AGBL4: variants seen among roughly 807,000 people sequenced by gnomAD.
AGBL4 encodes the protein cytosolic carboxypeptidase 6.
AGBL4 carries 58 observed loss-of-function variants against 66.4 expected under a neutral mutation model. The observed-to-expected ratio is 0.87, with a 90% confidence interval of 0.71 to 1.09. The LOEUF (loss-of-function observed/expected upper bound fraction) is 1.09. AGBL4 is among the 50% of genes least tolerant of loss of function. The pLI is 0.00. For missense variants in AGBL4, 579 were observed against 631.0 expected, an observed-to-expected ratio of 0.92 and a Z score of 0.88; for synonymous variants, 234 against 222.9, an observed-to-expected ratio of 1.05 and a Z score of -0.44.
At chr1:48,770,392 T>TG (rs2148690115) in intron 6 of AGBL4, among the ~76,000 whole-genome samples, 1 of 152,360 alleles carries the variant, frequency 6.6e-6, no homozygotes, top group East Asian at 1.9e-4. Context: ...CACCTATCTC[T>TG]GCTGGTTATC....
At chr1:49,120,114 G>A (rs1249717607) in intron 4 of AGBL4, among the ~76,000 whole-genome samples, 2 of 152,078 alleles carry the variant, frequency 1.3e-5, no homozygotes, top group African/African-American at 4.8e-5. Flanking sequence ...GCACACCGAT[G>A]GGTCTTGACT....
At chr1:49,647,685 G>A (rs1405283601) in intron 3 of AGBL4, among the ~76,000 whole-genome samples, 3 of 152,004 alleles carry the variant, frequency 2.0e-5, no homozygotes, top group Non-Finnish European at 2.9e-5. Flanking sequence ...TCTTCTCTCA[G>A]GAGAAACTAT....
chr1:49,784,868 A>G (rs1644415559), intron 2 of AGBL4, among the ~76,000 whole-genome samples: 1 of 152,108 alleles, frequency 6.6e-6, no homozygotes, highest in Non-Finnish European at 1.5e-5. Flanking sequence ...GTGATTAATG[A>G]AATGCAAATC....
intron 3 of AGBL4, among the ~76,000 whole-genome samples, chr1:49,462,997 C>T (rs1443155405): frequency 2.0e-5 from 3 of 151,664 alleles, no homozygotes; most frequent in Non-Finnish European, 4.4e-5. Flanking sequence ...GGAAAGTTGT[C>T]TAAGGTTACA....
At chr1:49,892,807 T>C (rs1648785050) in intron 1 of AGBL4, among the ~76,000 whole-genome samples, 1 of 152,208 alleles carries the variant, frequency 6.6e-6, no homozygotes, top group African/African-American at 2.4e-5. Context: ...TTCTGTTTCA[T>C]ACTTGCTCTT....
intron 5 of AGBL4, among the ~76,000 whole-genome samples, chr1:49,039,868 T>G (rs1247025963): frequency 6.6e-6 from 1 of 152,068 alleles, no homozygotes; most frequent in Non-Finnish European, 1.5e-5. Context: ...AATTACACAC[T>G]TATTAGATTG....
chr1:49,127,886 C>G (rs1645798229), intron 4 of AGBL4, among the ~76,000 whole-genome samples: 1 of 151,984 alleles, frequency 6.6e-6, no homozygotes, highest in Admixed American at 6.6e-5. Flanking sequence ...CCAAAGACGA[C>G]AAAATACAAA....
chr1:50,011,630 C>G (rs1661540903), intron 1 of AGBL4, among the ~76,000 whole-genome samples: 1 of 152,076 alleles, frequency 6.6e-6, no homozygotes, highest in African/African-American at 2.4e-5. Context: ...TGGAAACAAC[C>G]AAAGTGTCCA....
intron 3 of AGBL4, among the ~76,000 whole-genome samples, chr1:49,671,317 A>G (rs6694973): frequency 6.6e-5 from 10 of 152,144 alleles, no homozygotes; most frequent in Non-Finnish European, 1.0e-4. Flanking sequence ...TCCTTACACT[A>G]TATACAAAAA....
At chr1:49,642,798 T>A (rs569191612) in intron 3 of AGBL4, among the ~76,000 whole-genome samples, 2 of 152,080 alleles carry the variant, frequency 1.3e-5, no homozygotes, top group Admixed American at 1.3e-4. Flanking sequence ...TAACAGTTTA[T>A]AAGAAAGATC....
chr1:48,686,597 C>G, intron 6 of AGBL4, among the ~76,000 whole-genome samples: 1 of 152,164 alleles, frequency 6.6e-6, no homozygotes, highest in South Asian at 2.1e-4. Flanking sequence ...AAAAAAGGGA[C>G]TAAGGAATAC....
rs117069251 is a variant in AGBL4 at position 49,133,677 on chromosome 1, T to G, written c.378-87877A>C. Among the ~76,000 whole-genome samples, 68 of 152,252 alleles carry G rather than the reference T, an allele frequency of 4.5e-4. No individual in the cohort carries two copies. In the East Asian group the frequency reaches 0.011, roughly 25 times the overall value. On this transcript the variant is annotated intron_variant, in intron 4 of 13. Coordinates refer to ENST00000371839, the MANE Select transcript of AGBL4 (RefSeq NM_032785.4). ...TAAACATATTTTCTAAGGAGCAGTT[T>G]GACAATATGTGGATGTTCTTCTTTG...
At chr1:49,845,412 T>C (rs911340626) in intron 2 of AGBL4, 5 of 1,393,680 alleles carry the variant, frequency 3.6e-6, no homozygotes, top group Non-Finnish European at 5.1e-6. Context: ...AGAAGCCCTA[T>C]GAGTGCAACA....
At chr1:49,211,846 A>G (rs1648693435) in intron 4 of AGBL4, among the ~76,000 whole-genome samples, 1 of 152,140 alleles carries the variant, frequency 6.6e-6, no homozygotes, top group Non-Finnish European at 1.5e-5. Flanking sequence ...CACAACAACC[A>G]TTTGAAGTAG....
chr1:49,644,106 AC>A (rs1485663350), intron 3 of AGBL4, among the ~76,000 whole-genome samples: 2 of 151,570 alleles, frequency 1.3e-5, no homozygotes, highest in Non-Finnish European at 3.0e-5. Context: ...TTGTTATAAT[AC>A]ACAATAAGTG....
At chr1:49,320,268 A>C (rs914209555) in intron 3 of AGBL4, among the ~76,000 whole-genome samples, 2 of 152,138 alleles carry the variant, frequency 1.3e-5, no homozygotes, top group African/African-American at 4.8e-5. Context: ...AAGGGAAAAA[A>C]AAAATTTAAA....
intron 2 of AGBL4, among the ~76,000 whole-genome samples, chr1:49,743,221 C>A (rs547668090): frequency 2.6e-5 from 4 of 152,106 alleles, no homozygotes; most frequent in Non-Finnish European, 5.9e-5. Context: ...AAACAAACAA[C>A]CCCAACAAAA....
At chr1:48,942,020 C>A (rs1656017560) in intron 5 of AGBL4, among the ~76,000 whole-genome samples, 1 of 152,168 alleles carries the variant, frequency 6.6e-6, no homozygotes, top group Non-Finnish European at 1.5e-5. Flanking sequence ...TGGAGACAAG[C>A]AAATGACTAT....
intron 4 of AGBL4, among the ~76,000 whole-genome samples, chr1:49,211,617 CTTTA>C (rs938824359): frequency 2.6e-5 from 4 of 152,016 alleles, no homozygotes; most frequent in African/African-American, 9.7e-5. Context: ...AACCTTCATT[CTTTA>C]TTTATCACAT....
Sources: gnomAD v4.1 joint callset for allele counts (sites outside exome capture counted in the v4.1 genomes callset) on GRCh38, gnomAD v4.1.1 for gene constraint, MANE v1.5 for transcripts, NCBI Gene and HGNC (gene_info 2026-07-23, HGNC 2026-07-21) for gene names.